Variants in FCHSD2 observed in about 807,000 individuals in gnomAD.
FCHSD2 encodes the protein FCH and double SH3 domains 2.
Under a neutral mutation model 108.1 loss-of-function variants are expected in FCHSD2, and 38 were observed. That is an observed-to-expected ratio of 0.35 (90% confidence interval 0.27 to 0.46). FCHSD2 has a LOEUF of 0.46. FCHSD2 is among the 20% of genes least tolerant of loss of function. The probability of loss-of-function intolerance (pLI) is 1.00; values close to 1 mark genes in which losing one functional copy is unlikely to be tolerated. For missense variants in FCHSD2, 751 were observed against 897.8 expected (o/e 0.84, Z 2.09); for synonymous variants, 279 against 314.7 (o/e 0.89, Z 1.20).
chr11:73,118,711 T>C (rs185187404), intron 2 of FCHSD2, among the ~76,000 whole-genome samples: 1 of 152,346 alleles, frequency 6.6e-6, no homozygotes, highest in African/African-American at 2.4e-5. Context: ...ATGATGATAC[T>C]ATAATGATGA....
At chr11:72,929,093 G>A (rs1230957937) in intron 8 of FCHSD2, among the ~76,000 whole-genome samples, 1 of 152,138 alleles carries the variant, frequency 6.6e-6, no homozygotes, top group Non-Finnish European at 1.5e-5. Flanking sequence ...TGGTGTATAT[G>A]TGCCACATTT....
At chr11:72,841,013 C>T in intron 18 of FCHSD2, 54 bp from the exon 19 acceptor site, 1 of 1,329,854 alleles carries the variant, frequency 7.5e-7, no homozygotes, top group Non-Finnish European at 1.1e-6. Context: ...AGCAATAATG[C>T]TGATGCAAGG....
chr11:73,099,610 T>C (rs185924623), intron 2 of FCHSD2, among the ~76,000 whole-genome samples: 235 of 152,324 alleles, frequency 1.5e-3, no homozygotes, highest in Non-Finnish European at 2.7e-3. Flanking sequence ...CCGAGTATTA[T>C]CCAGTCACAA....
At chr11:72,923,070 G>C (rs190340712) in intron 8 of FCHSD2, among the ~76,000 whole-genome samples, 1 of 152,162 alleles carries the variant, frequency 6.6e-6, no homozygotes, top group East Asian at 1.9e-4. Context: ...CCTGGCTTCT[G>C]TTGCCCAGCA....
chr11:72,874,363 A>T (rs944723013), intron 12 of FCHSD2, among the ~76,000 whole-genome samples: 2 of 151,942 alleles, frequency 1.3e-5, no homozygotes, highest in African/African-American at 2.4e-5. Context: ...ATTTTTTAAA[A>T]TTTTTTGTAG....
At chr11:72,979,836 T>C (rs1857178565) in intron 8 of FCHSD2, among the ~76,000 whole-genome samples, 1 of 152,094 alleles carries the variant, frequency 6.6e-6, no homozygotes, top group African/African-American at 2.4e-5. Context: ...TCAGGATAAA[T>C]ACTTGCATCT....
chr11:73,076,588 C>T (rs1156512760), intron 3 of FCHSD2, among the ~76,000 whole-genome samples: 4 of 152,038 alleles, frequency 2.6e-5, no homozygotes, highest in African/African-American at 9.7e-5. Context: ...GGAATAATGG[C>T]AATGTTCTAA....
chr11:72,956,147 T>C (rs1310486171), intron 8 of FCHSD2, among the ~76,000 whole-genome samples: 1 of 152,098 alleles, frequency 6.6e-6, no homozygotes, highest in Admixed American at 6.6e-5. Context: ...TAAAAATAAA[T>C]AGTAAGAGTA....
intron 2 of FCHSD2, among the ~76,000 whole-genome samples, chr11:73,113,384 T>C (rs1040746487): frequency 2.6e-4 from 29 of 111,580 alleles, no homozygotes; most frequent in East Asian, 1.5e-3. Flanking sequence ...TTTTTTTTTT[T>C]CTGAGACAAG....
intron 4 of FCHSD2, among the ~76,000 whole-genome samples, chr11:73,004,069 A>G (rs963774843): frequency 2.5e-5 from 3 of 120,386 alleles, no homozygotes; most frequent in Non-Finnish European, 4.8e-5. Context: ...AGATAGTGCC[A>G]CTGCACTCCG....
chr11:73,070,208 C>A (rs1859400081), intron 3 of FCHSD2, among the ~76,000 whole-genome samples: 1 of 152,136 alleles, frequency 6.6e-6, no homozygotes, highest in Admixed American at 6.5e-5. Flanking sequence ...AGAACAATAT[C>A]CCTATAAGTG....
chr11:72,868,532 G>GA (rs548847090), intron 12 of FCHSD2, among the ~76,000 whole-genome samples: 4 of 150,876 alleles, frequency 2.7e-5, no homozygotes, highest in South Asian at 2.1e-4. Flanking sequence ...CTTAAAAGTT[G>GA]AAAAAAAAAT....
intron 3 of FCHSD2, among the ~76,000 whole-genome samples, chr11:73,033,797 A>G (rs532906827): frequency 6.6e-6 from 1 of 152,332 alleles, no homozygotes; most frequent in Admixed American, 6.5e-5. Flanking sequence ...CTTGGATAAG[A>G]CACCAAGCTA....
At chr11:72,923,893 T>C (rs1856023632) in intron 8 of FCHSD2, among the ~76,000 whole-genome samples, 1 of 152,196 alleles carries the variant, frequency 6.6e-6, no homozygotes, top group Non-Finnish European at 1.5e-5. Context: ...AAGCCGAGTT[T>C]GTGCTATTGA....
At position 72,849,804 on chromosome 11, in the gene FCHSD2, C is replaced by T. The variant is rs1432763862; in HGVS notation, c.1394G>A (p.Gly465Asp). Reference sequence around the variant, plus strand: ...GGTGAGTGGATAATTTCTTAAGGTGCCAGAAGGGCTGGAACTGCTGTCATC... The same window carrying T: ...GGTGAGTGGATAATTTCTTAAGGTGTCAGAAGGGCTGGAACTGCTGTCATC... ...VFDDSSSSPSGTLRNYPLTCK... is the reference protein window; with the variant it reads ...VFDDSSSSPSDTLRNYPLTCK... Residue 465 changes from glycine to aspartate, a missense_variant, in exon 14 of 20, where the codon GGC becomes GAC. Transcript: ENST00000409418. 2 of 1,612,498 alleles carry T rather than the reference C, an allele frequency of 1.2e-6. No individual in the cohort carries two copies. Among genetic ancestry groups the T allele is most frequent in the Non-Finnish European group, 1.7e-6 (2 of 1,178,654 alleles).
chr11:72,884,879 A>C (rs1855164858), intron 12 of FCHSD2, among the ~76,000 whole-genome samples: 1 of 152,126 alleles, frequency 6.6e-6, no homozygotes, highest in Non-Finnish European at 1.5e-5. Context: ...AGAGGCATGA[A>C]CCACTGCACC....
chr11:73,053,305 A>C (rs577001990), intron 3 of FCHSD2, among the ~76,000 whole-genome samples: 1 of 152,266 alleles, frequency 6.6e-6, no homozygotes, highest in South Asian at 2.1e-4. Context: ...AAATGTGTGG[A>C]TCTACAACCT....
intron 2 of FCHSD2, among the ~76,000 whole-genome samples, chr11:73,132,182 T>C (rs1424187955): frequency 6.6e-6 from 1 of 152,232 alleles, no homozygotes; most frequent in East Asian, 1.9e-4. Flanking sequence ...TGTAAGAATG[T>C]AAAACAATGT....
intron 2 of FCHSD2, among the ~76,000 whole-genome samples, chr11:73,117,064 G>C (rs1860621402): frequency 6.6e-6 from 1 of 151,958 alleles, no homozygotes; most frequent in Non-Finnish European, 1.5e-5. Flanking sequence ...ACTAGCTGTT[G>C]GCCTATTGAT....
Sources: allele counts gnomAD v4.1 joint callset (sites outside exome capture counted in the v4.1 genomes callset), GRCh38; gene constraint gnomAD v4.1.1; transcripts MANE v1.5; gene names NCBI Gene and HGNC (gene_info 2026-07-23, HGNC 2026-07-21).